Variants in FXR1 observed in about 807,000 individuals in gnomAD.
The protein encoded by FXR1 is FMR1 autosomal homolog 1.
A neutral mutation model predicts 84.0 loss-of-function variants in FXR1; 15 were observed. The ratio of observed to expected loss-of-function variants is 0.18; its 90% CI spans 0.12 to 0.27. The LOEUF (loss-of-function observed/expected upper bound fraction) is 0.27. Among genes scored for constraint, FXR1 ranks in the 10% least tolerant of loss-of-function variants. The pLI is 1.00. For missense variants in FXR1, 480 were observed against 774.4 expected (o/e 0.62, Z 4.51); for synonymous variants, 245 against 250.7 (o/e 0.98, Z 0.21).
chr3:180,931,727 T>C (rs992997435), intron 1 of FXR1, among the ~76,000 whole-genome samples: 1 of 149,008 alleles, frequency 6.7e-6, no homozygotes, highest in Admixed American at 6.8e-5. Flanking sequence ...CCTTAAAAAT[T>C]AGTTGTTGTG....
chr3:180,950,614 T>C (rs575593208), intron 7 of FXR1, among the ~76,000 whole-genome samples: 2 of 152,162 alleles, frequency 1.3e-5, no homozygotes, highest in African/African-American at 4.8e-5. Flanking sequence ...AAACTGCAAA[T>C]CTATACCCTT....
At chr3:180,966,456 T>C (rs930819836) in intron 13 of FXR1, among the ~76,000 whole-genome samples, 2 of 152,240 alleles carry the variant, frequency 1.3e-5, no homozygotes, top group Non-Finnish European at 2.9e-5. Flanking sequence ...TTCTTATGTC[T>C]GAAGAGCTCT....
At chr3:180,935,533 CT>C (rs911013369) in intron 3 of FXR1, among the ~76,000 whole-genome samples, 3 of 152,162 alleles carry the variant, frequency 2.0e-5, no homozygotes, top group African/African-American at 7.2e-5. Context: ...TGGTGTTACC[CT>C]TTTCCTTCTT....
At chr3:180,925,326 C>G (rs1719042973) in intron 1 of FXR1, among the ~76,000 whole-genome samples, 1 of 151,098 alleles carries the variant, frequency 6.6e-6, no homozygotes, top group African/African-American at 2.4e-5. Flanking sequence ...GGCCATTGCA[C>G]TCCGGCCTGG....
chr3:180,930,851 A>G (rs530011004), intron 1 of FXR1, among the ~76,000 whole-genome samples: 99 of 152,062 alleles, frequency 6.5e-4, no homozygotes, highest in South Asian at 1.5e-3. Context: ...CCTGGCCCAC[A>G]TGGCAAAACT....
intron 1 of FXR1, among the ~76,000 whole-genome samples, chr3:180,913,381 C>T (rs1383557994): frequency 2.0e-5 from 3 of 152,072 alleles, no homozygotes; most frequent in Non-Finnish European, 4.4e-5. Flanking sequence ...GGCGCCTTAG[C>T]CCCTCTATTA....
chr3:180,937,767 C>A (rs1309672112), intron 3 of FXR1, among the ~76,000 whole-genome samples: 1 of 151,926 alleles, frequency 6.6e-6, no homozygotes, highest in Non-Finnish European at 1.5e-5. Context: ...TCCCAGGTAA[C>A]GTTTCGAAAG....
At chr3:180,969,097 T>G (rs1485591972) in intron 14 of FXR1, among the ~76,000 whole-genome samples, 1 of 152,060 alleles carries the variant, frequency 6.6e-6, no homozygotes, top group African/African-American at 2.4e-5. Context: ...TTACAAAAAC[T>G]GGAACAAATC....
At chr3:180,915,607 T>A in intron 1 of FXR1, 2 of 823,400 alleles carry the variant, frequency 2.4e-6, no homozygotes. Context: ...TCTTTGGTTT[T>A]TTTTGGTGGT....
intron 1 of FXR1, among the ~76,000 whole-genome samples, chr3:180,928,104 G>T: frequency 6.7e-6 from 1 of 148,558 alleles, no homozygotes; most frequent in Non-Finnish European, 1.5e-5. Context: ...TTTTTTTGAA[G>T]TTTGAATGTT....
At chr3:180,942,353 G>A (rs1721219203) in intron 3 of FXR1, among the ~76,000 whole-genome samples, 2 of 138,910 alleles carry the variant, frequency 1.4e-5, no homozygotes, top group South Asian at 4.5e-4. Context: ...ACTCCAGCCT[G>A]GGCGACAGAG....
At chr3:180,924,624 A>G (rs1718955271) in intron 1 of FXR1, among the ~76,000 whole-genome samples, 1 of 152,116 alleles carries the variant, frequency 6.6e-6, no homozygotes, top group African/African-American at 2.4e-5. Context: ...GTTTTTCCAT[A>G]TATAGATTTG....
At chr3:180,941,025 T>C (rs1470737111) in intron 3 of FXR1, among the ~76,000 whole-genome samples, 1 of 152,184 alleles carries the variant, frequency 6.6e-6, no homozygotes, top group East Asian at 1.9e-4. Context: ...ATGCCTTTCC[T>C]TTTCTAGTCA....
At chr3:180,972,720 A>G (rs1462415822) in intron 15 of FXR1, among the ~76,000 whole-genome samples, 2 of 152,210 alleles carry the variant, frequency 1.3e-5, no homozygotes, top group African/African-American at 2.4e-5. Context: ...AGGCTTCAAC[A>G]GTTTGACAAT....
chr3:180,923,076 T>G (rs1718769029), intron 1 of FXR1, among the ~76,000 whole-genome samples: 1 of 152,252 alleles, frequency 6.6e-6, no homozygotes, highest in Non-Finnish European at 1.5e-5. Flanking sequence ...CTTTGGAGTT[T>G]TATTTTTACA....
chr3:180,936,701 AGAGT>A (rs1720566346), intron 3 of FXR1, among the ~76,000 whole-genome samples: 2 of 152,228 alleles, frequency 1.3e-5, no homozygotes, highest in South Asian at 4.1e-4. Flanking sequence ...CAAAGATAAA[AGAGT>A]GAGTAAAGTG....
chr3:180,914,464 A>G (rs143343026), intron 1 of FXR1, among the ~76,000 whole-genome samples: 1 of 152,286 alleles, frequency 6.6e-6, no homozygotes, highest in East Asian at 1.9e-4. Flanking sequence ...GAAAAAATAA[A>G]GTGATTATTT....
Position 180,912,680 on chromosome 3 carries a change from T to C in FXR1, c.-6T>C. On this transcript the variant is annotated 5_prime_UTR_variant, in exon 1 of 17. Coordinates refer to ENST00000357559, the MANE Select transcript of FXR1 (RefSeq NM_005087.4). ...ATCTCTTCCCAGCGGCCTTTGCGGTTCCAACATGGCGGAGCTGACGGTGGA... is the reference window on the plus strand; with the variant it reads ...ATCTCTTCCCAGCGGCCTTTGCGGTCCCAACATGGCGGAGCTGACGGTGGA... 1 of 1,614,014 alleles carries C rather than the reference T, an allele frequency of 6.2e-7. No homozygotes were observed.
rs1283299713 is a variant in FXR1, at chr3:180,977,028, C to T, written c.*736C>T. On this transcript the variant is annotated 3_prime_UTR_variant, in exon 17 of 17. Coordinates refer to ENST00000357559, the MANE Select transcript of FXR1 (RefSeq NM_005087.4). ...AAGATCAATTTCCAGAAGGTTTATT[C>T]TGTATAAACTACATGTTAGTCTTCA... 6.6e-6 allele frequency: 1 copy of T among 150,414 alleles called. No individual in the cohort carries two copies. The highest frequency in any genetic ancestry group is 2.0e-4 in the East Asian group (1 of 5,122). 9.3% of individuals were successfully genotyped at this position (150,414 alleles called of 1,614,324 possible).
Sources: gnomAD v4.1 joint callset for allele counts (sites outside exome capture counted in the v4.1 genomes callset) on GRCh38, gnomAD v4.1.1 for gene constraint, MANE v1.5 for transcripts, NCBI Gene and HGNC (gene_info 2026-07-23, HGNC 2026-07-21) for gene names.